The following NDUFAF6 variants were observed in gnomAD, a reference collection of about 807,000 sequenced individuals.
NDUFAF6 encodes NADH dehydrogenase (ubiquinone) complex I, assembly factor 6.
Under a neutral mutation model 40.8 loss-of-function variants are expected in NDUFAF6, and 45 were observed. The ratio of observed to expected loss-of-function variants is 1.10; its 90% CI spans 0.87 to 1.42. The LOEUF is 1.42. Among genes scored for constraint, NDUFAF6 ranks in the 40% most tolerant of loss-of-function variants. NDUFAF6 has a pLI of 0.00. For missense variants in NDUFAF6, 435 were observed against 418.5 expected (o/e 1.04, Z -0.34); for synonymous variants, 185 against 155.9 (o/e 1.19, Z -1.39).
At chr8:94,930,678 G>A in intron 1 of NDUFAF6, 1 of 1,614,218 alleles carries the variant, frequency 6.2e-7, no homozygotes, top group African/African-American at 1.3e-5. Flanking sequence ...AGCAGCAAGA[G>A]CTGCAACATA....
At chr8:94,997,844 C>T (rs1826525480) in intron 2 of NDUFAF6, among the ~76,000 whole-genome samples, 1 of 152,220 alleles carries the variant, frequency 6.6e-6, no homozygotes, top group Non-Finnish European at 1.5e-5. Flanking sequence ...TAAACAGTTA[C>T]AAAATTAGCT....
At chr8:95,062,105 C>T (rs1832585528), downstream of NDUFAF6, among the ~76,000 whole-genome samples, 1 of 150,454 alleles carries the variant, frequency 6.6e-6, no homozygotes, top group Non-Finnish European at 1.5e-5. Flanking sequence ...TGCAGTGAGC[C>T]AAGCAAGATC....
At chr8:95,037,688 C>T (rs577497983) in intron 3 of NDUFAF6, among the ~76,000 whole-genome samples, 5 of 152,232 alleles carry the variant, frequency 3.3e-5, no homozygotes, top group South Asian at 4.1e-4. Context: ...TTGATGAGCA[C>T]GCTGGCCTTT....
At chr8:95,034,425 AT>A (rs571550836) in intron 2 of NDUFAF6, among the ~76,000 whole-genome samples, 4 of 152,062 alleles carry the variant, frequency 2.6e-5, no homozygotes, top group African/African-American at 4.8e-5. Context: ...CTTTTATGGC[AT>A]TTTTTCCCCC....
chr8:94,936,174 T>C (rs945958279), intron 1 of NDUFAF6, among the ~76,000 whole-genome samples: 1 of 152,182 alleles, frequency 6.6e-6, no homozygotes, highest in African/African-American at 2.4e-5. Context: ...ACCCCTAGGA[T>C]TGAAGGACAT....
At chr8:95,049,952 C>G (rs1563832497) in intron 7 of NDUFAF6, among the ~76,000 whole-genome samples, 1 of 152,184 alleles carries the variant, frequency 6.6e-6, no homozygotes, top group Non-Finnish European at 1.5e-5. Context: ...CGTAAGTAAT[C>G]AGATTGTAAG....
At chr8:95,013,054 G>A (rs905097171) in intron 2 of NDUFAF6, among the ~76,000 whole-genome samples, 2 of 151,866 alleles carry the variant, frequency 1.3e-5, no homozygotes, top group African/African-American at 4.8e-5. Context: ...ATTTTCAAAG[G>A]AATGGTACTT....
At chr8:95,105,780 C>G (rs1011545782), downstream of NDUFAF6, among the ~76,000 whole-genome samples, 4 of 151,840 alleles carry the variant, frequency 2.6e-5, no homozygotes, top group Non-Finnish European at 4.4e-5. Context: ...GGATTACAGG[C>G]GTGAACCACC....
At chr8:94,912,486 CTG>C (rs1818844736) in intron 1 of NDUFAF6, among the ~76,000 whole-genome samples, 1 of 152,170 alleles carries the variant, frequency 6.6e-6, no homozygotes, top group African/African-American at 2.4e-5. Context: ...AGGACAAACT[CTG>C]TAGTTTATTT....
chr8:94,917,768 G>A (rs1819235745), intron 1 of NDUFAF6, among the ~76,000 whole-genome samples: 1 of 152,130 alleles, frequency 6.6e-6, no homozygotes, highest in Non-Finnish European at 1.5e-5. Flanking sequence ...TCCCCTAAAT[G>A]TTATGAATAC....
intron 2 of NDUFAF6, among the ~76,000 whole-genome samples, chr8:94,947,204 C>A (rs1822093923): frequency 6.6e-6 from 1 of 151,572 alleles, no homozygotes; most frequent in East Asian, 1.9e-4. Flanking sequence ...GGCTCCCAGT[C>A]TCAACTATGG....
intron 1 of NDUFAF6, among the ~76,000 whole-genome samples, chr8:95,028,588 A>G (rs995960207): frequency 2.6e-5 from 4 of 152,180 alleles, no homozygotes; most frequent in African/African-American, 7.2e-5. Context: ...CTACAGTTCT[A>G]TTATGTCTTC....
At chr8:95,042,382 C>T (rs1411326352) in intron 4 of NDUFAF6, among the ~76,000 whole-genome samples, 1 of 152,106 alleles carries the variant, frequency 6.6e-6, no homozygotes, top group African/African-American at 2.4e-5. Flanking sequence ...TAGGCTGTAG[C>T]AATAACAAGA....
intron 1 of NDUFAF6, among the ~76,000 whole-genome samples, chr8:94,909,820 AC>A (rs1818656909): frequency 6.6e-6 from 1 of 150,778 alleles, no homozygotes; most frequent in Non-Finnish European, 1.5e-5. Flanking sequence ...ATATACACAC[AC>A]ACACACACAT....
chr8:95,026,646 T>C (rs955295136), intron 1 of NDUFAF6, among the ~76,000 whole-genome samples: 1 of 152,222 alleles, frequency 6.6e-6, no homozygotes, highest in Non-Finnish European at 1.5e-5. Flanking sequence ...TGATAAAAAC[T>C]TTAAGTTGCC....
In NDUFAF6 at chr8:94,941,098, T is replaced by C. The variant is rs1008104415; in HGVS notation, c.-935-4385T>C. The C allele has an allele frequency of 1.5e-4, 89 of 596,670 alleles. No homozygotes were observed. The African/African-American group carries it at 1.5e-3, about 10-fold the overall frequency. 37.0% of individuals were successfully genotyped at this position (596,670 alleles called of 1,614,324 possible). ...GCAAGAAGAGTCATTGTACCTAAAA[T>C]AAAACAGAAAAAGGAAGTTATTTCA... On this transcript the variant is annotated intron_variant, in intron 1 of 14. Coordinates refer to the NDUFAF6 transcript ENST00000396113.
chr8:95,092,220 C>T (rs1425477198), intron 2 of NDUFAF6, among the ~76,000 whole-genome samples: 1 of 147,686 alleles, frequency 6.8e-6, no homozygotes, highest in African/African-American at 2.5e-5. Context: ...CTCACTCTGT[C>T]ACCCAGGCTG....
intron 1 of NDUFAF6, among the ~76,000 whole-genome samples, chr8:94,938,901 G>C (rs1419549130): frequency 2.0e-5 from 3 of 152,236 alleles, no homozygotes; most frequent in Non-Finnish European, 4.4e-5. Flanking sequence ...CCTGGGGCTT[G>C]AGATTGGCAT....
chr8:95,044,276 T>C (rs1203673517), intron 4 of NDUFAF6, among the ~76,000 whole-genome samples: 3 of 151,858 alleles, frequency 2.0e-5, no homozygotes, highest in Admixed American at 6.6e-5. Flanking sequence ...CTTTTGGGGG[T>C]CATTAAAATA....
Sources: allele counts gnomAD v4.1 joint callset (sites outside exome capture counted in the v4.1 genomes callset), GRCh38; gene constraint gnomAD v4.1.1; transcripts MANE v1.5; gene names NCBI Gene and HGNC (gene_info 2026-07-23, HGNC 2026-07-21).